CFAP99: variants seen among roughly 807,000 people sequenced by gnomAD.
CFAP99 encodes cilia- and flagella-associated protein 99.
A neutral mutation model predicts 82.7 loss-of-function variants in CFAP99; 84 were observed. That is an observed-to-expected ratio of 1.02 (90% confidence interval 0.85 to 1.22). The LOEUF is 1.22. Among genes scored for constraint, CFAP99 ranks in the 50% most tolerant of loss-of-function variants. The pLI, the probability that CFAP99 is intolerant of heterozygous loss-of-function variation, is 0.00. For missense variants in CFAP99, 1,059 were observed against 983.5 expected (o/e 1.08, Z -1.03); for synonymous variants, 456 against 429.5 (o/e 1.06, Z -0.76).
At chr4:2,456,436 G>A (rs1734435993) in intron 11 of CFAP99, among the ~76,000 whole-genome samples, 1 of 152,110 alleles carries the variant, frequency 6.6e-6, no homozygotes, top group Non-Finnish European at 1.5e-5. Flanking sequence ...CGGCACTTTG[G>A]GAGGCCAAGG....
chr4:2,429,593 CTT>C (rs33954359), intron 2 of CFAP99, among the ~76,000 whole-genome samples: 89,996 of 138,998 alleles, frequency 0.65, 29,023 homozygotes, highest in East Asian at 0.97. Context: ...TTCTTTCTTT[CTT>C]TTTTTTTTTT....
exon 3 of CFAP99, chr4:2,437,001 A>T: frequency 6.5e-7 from 1 of 1,535,890 alleles, no homozygotes; most frequent in Non-Finnish European, 8.7e-7. Flanking sequence ...CTGCGGGTTG[A>T]CCACAGCCGC....
At chr4:2,451,206 T>C (rs3888113) in intron 9 of CFAP99, 58 bp from the exon 10 acceptor site, 1,171,798 of 1,524,280 alleles carry the variant, frequency 0.77, 450,886 homozygotes, top group Admixed American at 0.82. Flanking sequence ...AGGATGGGCA[T>C]TTGCTGCTCC....
At chr4:2,438,022 G>C in intron 3 of CFAP99, 48 bp from the exon 4 acceptor site, 1 of 1,134,158 alleles carries the variant, frequency 8.8e-7, no homozygotes, top group Non-Finnish European at 1.3e-6. Flanking sequence ...CCGTGTGCCT[G>C]GTGCCCCGTG....
chr4:2,462,984 TA>T, downstream of CFAP99: 3 of 985,146 alleles, frequency 3.0e-6, no homozygotes, highest in Non-Finnish European at 3.9e-6. The surrounding 1 kb of genome is among the most constrained non-coding windows in gnomAD (Gnocchi z 4.1). Flanking sequence ...GCCGCCCCAA[TA>T]AAGAGTGCGG....
intron 12 of CFAP99, 45 bp downstream of exon 12, chr4:2,458,909 A>G (rs1240197089): frequency 9.3e-6 from 14 of 1,508,012 alleles, no homozygotes; most frequent in Non-Finnish European, 8.0e-6. Context: ...GCTCTTCCCC[A>G]CTCGGGTGCT....
chr4:2,438,223 C>T (rs1733961336), intron 4 of CFAP99, 59 bp downstream of exon 4: 5 of 941,158 alleles, frequency 5.3e-6, no homozygotes, highest in African/African-American at 1.6e-5. Context: ...TCCGTCTGAT[C>T]CTCGCCCACC....
intron 11 of CFAP99, among the ~76,000 whole-genome samples, chr4:2,454,080 C>A (rs1234939774): frequency 6.6e-6 from 1 of 152,050 alleles, no homozygotes; most frequent in African/African-American, 2.4e-5. Context: ...CTCACTGCAA[C>A]CTCCACCTCC....
rs1229224536 is a variant in CFAP99, at chr4:2,458,838, A to G, written c.1277A>G (p.Lys426Arg). The G allele has an allele frequency of 2.6e-6, 4 of 1,535,696 alleles. No individual in the cohort carries two copies. The South Asian group carries it at 4.8e-5, about 18-fold the overall frequency. Residue 426 changes from lysine (K) to arginine (R), a missense_variant, in exon 12 of 15, where the codon AAG (lysine) becomes AGG (arginine). Physicochemically the swap from Lys to Arg is conservative, Grantham distance 26. Transcript: ENST00000635017. ...AAGAACGCCAAGGCGGCCCAGACGA[A>G]GCTCGCGAAGGGCCGACAGCAGACA...
chr4:2,439,286 C>T (rs982804879), intron 4 of CFAP99, among the ~76,000 whole-genome samples: 2 of 152,202 alleles, frequency 1.3e-5, no homozygotes, highest in Non-Finnish European at 2.9e-5. Context: ...GCAGCCAATT[C>T]CCAGACAAGA....
chr4:2,426,407 C>T, intron 1 of CFAP99, 52 bp from the exon 2 acceptor site: 1 of 1,161,606 alleles, frequency 8.6e-7, no homozygotes, highest in Non-Finnish European at 1.2e-6. Flanking sequence ...GGGGAGGGTC[C>T]TGCGGCTACA....
In CFAP99 at chr4:2,445,258, CG is replaced by C; in HGVS notation, c.593del (p.Arg198ProfsTer48). The C allele has an allele frequency of 7.1e-7, 1 of 1,415,354 alleles. No homozygotes were observed. Among genetic ancestry groups the C allele is most frequent in the Non-Finnish European group, 9.2e-7 (1 of 1,087,946 alleles). 87.7% of individuals were successfully genotyped at this position (1,415,354 alleles called of 1,614,324 possible). A position where few individuals can be genotyped will look rare whatever the true frequency, so the allele number is the denominator to read the frequency against. On this transcript the variant is annotated frameshift_variant, in exon 6 of 15. Coordinates refer to ENST00000635017, the Ensembl canonical transcript of CFAP99. LOFTEE classifies it high-confidence loss of function. ...ATTCAACCTGACTGCCCCCAGGCCCCGCACCATTCCAGCGCCCGAACCAGTC... is the reference window on the plus strand; with the variant it reads ...ATTCAACCTGACTGCCCCCAGGCCCCCACCATTCCAGCGCCCGAACCAGTC...
chr4:2,459,962 A>G (rs1232807488), intron 13 of CFAP99, 75 bp from the exon 14 acceptor site: 4 of 1,366,552 alleles, frequency 2.9e-6, no homozygotes, highest in Non-Finnish European at 4.0e-6. Context: ...CCTATGGAAC[A>G]GGGGAGGGAT....
At chr4:2,457,797 C>CTG (rs1312370108) in intron 11 of CFAP99, among the ~76,000 whole-genome samples, 1 of 152,138 alleles carries the variant, frequency 6.6e-6, no homozygotes, top group African/African-American at 2.4e-5. Flanking sequence ...GAGGCTGGTG[C>CTG]TGTGGCTGAT....
exon 3 of CFAP99, chr4:2,436,895 A>G: frequency 6.5e-7 from 1 of 1,535,676 alleles, no homozygotes; most frequent in Non-Finnish European, 8.7e-7. Flanking sequence ...CCAGAAGCAG[A>G]GCTTTGTTTT....
At chr4:2,453,815 GA>G (rs1411474773) in intron 11 of CFAP99, among the ~76,000 whole-genome samples, 9 of 136,640 alleles carry the variant, frequency 6.6e-5, no homozygotes, top group African/African-American at 1.4e-4. Flanking sequence ...TATATAACAT[GA>G]TTTTTTTTTT....
At chr4:2,426,739 T>C (rs1733693358) in intron 2 of CFAP99, 153 bp downstream of exon 2, 2 of 609,860 alleles carry the variant, frequency 3.3e-6, no homozygotes, top group Non-Finnish European at 5.9e-6. Context: ...GCTCTTCGTA[T>C]GGGGAGGTGC....
At chr4:2,431,699 A>T (rs1528068) in intron 2 of CFAP99, among the ~76,000 whole-genome samples, 6,260 of 151,970 alleles carry the variant, frequency 0.041, 452 homozygotes, top group African/African-American at 0.14. Context: ...GCGGGCAAAA[A>T]TTATTATCTT....
chr4:2,445,581 C>T (rs1005905998), intron 6 of CFAP99, among the ~76,000 whole-genome samples: 4 of 152,178 alleles, frequency 2.6e-5, no homozygotes, highest in Non-Finnish European at 4.4e-5. Context: ...CCATGGGGCT[C>T]CGACCTGTCG....
Sources: allele counts gnomAD v4.1 joint callset (sites outside exome capture counted in the v4.1 genomes callset), GRCh38; gene constraint gnomAD v4.1.1; non-coding constraint Gnocchi (gnomAD v3.1); transcripts MANE v1.5; gene names NCBI Gene and HGNC (gene_info 2026-07-23, HGNC 2026-07-21).